PPM1H: variants seen among roughly 807,000 people sequenced by gnomAD.
The protein encoded by PPM1H is protein phosphatase 1H.
Under a neutral mutation model 54.9 loss-of-function variants are expected in PPM1H, and 27 were observed. The ratio of observed to expected loss-of-function variants is 0.49; its 90% CI spans 0.36 to 0.68. The LOEUF is 0.68. PPM1H is among the 30% of genes least tolerant of loss of function. The pLI is 0.00. For missense variants in PPM1H, 596 were observed against 667.8 expected (o/e 0.89, Z 1.19); for synonymous variants, 305 against 270.8 (o/e 1.13, Z -1.24).
intron 1 of PPM1H, among the ~76,000 whole-genome samples, chr12:62,866,358 T>C (rs1371941476): frequency 6.6e-6 from 1 of 152,158 alleles, no homozygotes; most frequent in Non-Finnish European, 1.5e-5. Flanking sequence ...TTGACATCCA[T>C]CCCTTCAAAA....
chr12:62,759,698 T>G (rs1279129619), intron 4 of PPM1H, among the ~76,000 whole-genome samples: 1 of 152,080 alleles, frequency 6.6e-6, no homozygotes, highest in East Asian at 1.9e-4. Flanking sequence ...CCCTGACTCC[T>G]TCTCTCCGTG....
chr12:62,669,473 CG>C (rs2075941424), intron 8 of PPM1H, among the ~76,000 whole-genome samples: 1 of 152,074 alleles, frequency 6.6e-6, no homozygotes, highest in Non-Finnish European at 1.5e-5. Context: ...GTTCACAGAC[CG>C]GGCCCCGAGT....
At chr12:62,854,503 G>C (rs971533168) in intron 1 of PPM1H, among the ~76,000 whole-genome samples, 7 of 152,166 alleles carry the variant, frequency 4.6e-5, no homozygotes, top group Non-Finnish European at 7.3e-5. Context: ...ACCTTGGCAA[G>C]TTACTGATAG....
intron 6 of PPM1H, among the ~76,000 whole-genome samples, chr12:62,696,958 G>A (rs1367854249): frequency 6.6e-6 from 1 of 152,198 alleles, no homozygotes; most frequent in Non-Finnish European, 1.5e-5. Flanking sequence ...CTCTTCGGGT[G>A]ACCAGCTGAT....
At chr12:62,675,938 T>C (rs938603009) in intron 8 of PPM1H, among the ~76,000 whole-genome samples, 3 of 152,190 alleles carry the variant, frequency 2.0e-5, no homozygotes, top group Middle Eastern at 3.2e-3. Flanking sequence ...GTTGTTCTGG[T>C]AGCAAGAAGC....
intron 8 of PPM1H, among the ~76,000 whole-genome samples, chr12:62,684,863 T>C (rs2076042723): frequency 6.6e-6 from 1 of 152,146 alleles, no homozygotes; most frequent in Non-Finnish European, 1.5e-5. Context: ...CCACTTCTCA[T>C]GGGAATGCTT....
At chr12:62,811,325 A>G (rs1045482314) in intron 2 of PPM1H, among the ~76,000 whole-genome samples, 5 of 152,232 alleles carry the variant, frequency 3.3e-5, no homozygotes, top group African/African-American at 4.8e-5. Context: ...TAGGAGTGGC[A>G]AAAACACTAG....
intron 1 of PPM1H, among the ~76,000 whole-genome samples, chr12:62,883,155 C>T (rs916872149): frequency 6.6e-6 from 1 of 152,206 alleles, no homozygotes; most frequent in Non-Finnish European, 1.5e-5. Flanking sequence ...CTCATACCAC[C>T]CTCCTCCATC....
rs116926538 is a variant in PPM1H, at chr12:62,869,655, C to T, written c.246-37376G>A. ...AGGAGCATGACAACATCCCATCTCCCGCTCAAAGTCCTTGCAAGGACTTCT... is the reference window on the plus strand; with the variant it reads ...AGGAGCATGACAACATCCCATCTCCTGCTCAAAGTCCTTGCAAGGACTTCT... On this transcript the variant is annotated intron_variant, in intron 1 of 9. Transcript: ENST00000228705. 1.1e-4 allele frequency among the ~76,000 whole-genome samples: 16 copies of T among 152,268 alleles called. No individual in the cohort carries two copies. In the East Asian group the frequency reaches 2.9e-3, roughly 28 times the overall value.
chr12:62,841,764 T>G (rs976978579), intron 1 of PPM1H, among the ~76,000 whole-genome samples: 2 of 152,176 alleles, frequency 1.3e-5, no homozygotes, highest in African/African-American at 4.8e-5. Flanking sequence ...CATCACTAAC[T>G]TCTATCCCCT....
intron 1 of PPM1H, among the ~76,000 whole-genome samples, chr12:62,916,927 TAA>T (rs368118906): frequency 4.5e-5 from 6 of 132,004 alleles, no homozygotes; most frequent in Non-Finnish European, 1.6e-5. Context: ...ACCCTCTACT[TAA>T]AAAAAAAAAA....
intron 9 of PPM1H, among the ~76,000 whole-genome samples, chr12:62,663,545 G>A (rs541395621): frequency 1.1e-4 from 17 of 152,190 alleles, no homozygotes; most frequent in Admixed American, 2.6e-4. Flanking sequence ...TCAAAGGACC[G>A]TGCTTTTCAG....
At chr12:62,737,726 C>G in intron 4 of PPM1H, 140 bp from the exon 5 acceptor site, 1 of 561,932 alleles carries the variant, frequency 1.8e-6, no homozygotes, top group Non-Finnish European at 3.1e-6. Context: ...GTTCACTGTT[C>G]CCAGCTCTGA....
At chr12:62,694,286 A>C (rs1157748752) in intron 6 of PPM1H, among the ~76,000 whole-genome samples, 2 of 152,166 alleles carry the variant, frequency 1.3e-5, no homozygotes, top group African/African-American at 2.4e-5. Context: ...TCTGTGTAAT[A>C]ATGAAGTGAC....
chr12:62,738,477 A>G (rs73312491), intron 4 of PPM1H, among the ~76,000 whole-genome samples: 5 of 152,136 alleles, frequency 3.3e-5, no homozygotes, highest in African/African-American at 9.7e-5. Context: ...GCGTTCCCCA[A>G]AGCAGATGTC....
intron 1 of PPM1H, among the ~76,000 whole-genome samples, chr12:62,925,759 C>T (rs1871952573): frequency 2.6e-5 from 4 of 152,142 alleles, no homozygotes; most frequent in Admixed American, 2.6e-4. Context: ...AGTCTTTATC[C>T]CTTCTATGGC....
intron 9 of PPM1H, among the ~76,000 whole-genome samples, chr12:62,664,618 C>T (rs2075906097): frequency 6.6e-6 from 1 of 152,194 alleles, no homozygotes; most frequent in South Asian, 2.1e-4. Context: ...TCATTTTTAA[C>T]CCACACATTA....
intron 6 of PPM1H, among the ~76,000 whole-genome samples, chr12:62,719,396 C>T (rs953387352): frequency 2.0e-5 from 3 of 152,132 alleles, no homozygotes; most frequent in African/African-American, 4.8e-5. Context: ...GAGGCTCGCT[C>T]GTTAGGACCC....
Position 62,648,318 on chromosome 12 carries a change from A to T in PPM1H, c.*171T>A. The T allele has an allele frequency of 1.3e-6, 1 of 757,752 alleles. No homozygotes were observed. 46.9% of individuals were successfully genotyped at this position (757,752 alleles called of 1,614,324 possible). A position where few individuals can be genotyped will look rare whatever the true frequency, so the allele number is the denominator to read the frequency against. Reference sequence around the variant, plus strand: ...GAGTTGACCTGTTACTAAAGAAGAAATGGAAACCAAAGGGTCATCTTGAAG... The same window carrying T: ...GAGTTGACCTGTTACTAAAGAAGAATTGGAAACCAAAGGGTCATCTTGAAG... On this transcript the variant is annotated 3_prime_UTR_variant, in exon 10 of 10. Coordinates refer to ENST00000228705, the MANE Select transcript of PPM1H (RefSeq NM_020700.2).
Sources: allele counts gnomAD v4.1 joint callset (sites outside exome capture counted in the v4.1 genomes callset), GRCh38; gene constraint gnomAD v4.1.1; transcripts MANE v1.5; gene names NCBI Gene and HGNC (gene_info 2026-07-23, HGNC 2026-07-21).